Variants in RIMBP2 observed in about 807,000 individuals in gnomAD.
RIMBP2 encodes RIMS-binding protein 2.
A neutral mutation model predicts 118.6 loss-of-function variants in RIMBP2; 48 were observed. The ratio of observed to expected loss-of-function variants is 0.40; its 90% CI spans 0.32 to 0.51. The LOEUF (loss-of-function observed/expected upper bound fraction) is 0.51. Among genes scored for constraint, RIMBP2 ranks in the 20% least tolerant of loss-of-function variants. The probability of loss-of-function intolerance (pLI) is 0.41; values close to 1 mark genes in which losing one functional copy is unlikely to be tolerated. For missense variants in RIMBP2, 1,551 were observed against 1,768.3 expected (o/e 0.88, Z 2.20); for synonymous variants, 762 against 742.9 (o/e 1.03, Z -0.42).
At chr12:130,580,993 A>G (rs1306600610) in intron 2 of RIMBP2, among the ~76,000 whole-genome samples, 1 of 152,062 alleles carries the variant, frequency 6.6e-6, no homozygotes, top group East Asian at 1.9e-4. Flanking sequence ...ATATATTAAA[A>G]TATCTCCTAT....
intron 2 of RIMBP2, among the ~76,000 whole-genome samples, chr12:130,569,261 C>T (rs1309870761): frequency 1.3e-5 from 2 of 152,174 alleles, no homozygotes; most frequent in Admixed American, 6.5e-5. Context: ...CGGCAGGCAT[C>T]GGACTCATGA....
rs2076684845 is a variant in RIMBP2 at position 130,424,977 on chromosome 12, G to A, written c.2413-119C>T. On this transcript the variant is annotated intron_variant, in intron 15 of 22. Transcript: ENST00000690449. The surrounding 1 kb of genome is among the most constrained non-coding windows in gnomAD (Gnocchi z 9.8). Reference sequence around the variant, plus strand: ...TAGTCCTGGAGGCACCGAGGGGGGGGAAGCATGCGTCTACTCAGGCCGGGG... The same window carrying A: ...TAGTCCTGGAGGCACCGAGGGGGGGAAAGCATGCGTCTACTCAGGCCGGGG... 2 of 508,126 alleles carry A rather than the reference G, an allele frequency of 3.9e-6. No homozygotes were observed. The highest frequency in any genetic ancestry group is 2.0e-5 in the African/African-American group (1 of 50,650). 31.5% of individuals were successfully genotyped at this position (508,126 alleles called of 1,614,324 possible).
intron 4 of RIMBP2, among the ~76,000 whole-genome samples, chr12:130,481,869 T>G (rs2138180530): frequency 6.6e-6 from 1 of 152,176 alleles, no homozygotes; most frequent in South Asian, 2.1e-4. Flanking sequence ...GTCAGCCCAT[T>G]TGGGCCTCGC....
chr12:130,508,981 C>T (rs541591411), intron 3 of RIMBP2, among the ~76,000 whole-genome samples: 56 of 152,224 alleles, frequency 3.7e-4, no homozygotes, highest in African/African-American at 1.3e-3. Context: ...CCGTACCATC[C>T]GGCTTCTAAT....
At chr12:130,559,377 G>A (rs4759724) in intron 2 of RIMBP2, among the ~76,000 whole-genome samples, 25,894 of 151,780 alleles carry the variant, frequency 0.17, 2,272 homozygotes, top group Middle Eastern at 0.25. Flanking sequence ...CCGTGAGTTC[G>A]ACTTTTTTGG....
Position 130,441,881 on chromosome 12 carries a change from CCTT to C in RIMBP2, c.1468_1470del (p.Lys490del), listed in dbSNP as rs768523548. On this transcript the variant is annotated inframe_deletion, in exon 11 of 23. Coordinates refer to ENST00000690449, the MANE Select transcript of RIMBP2 (RefSeq NM_001393629.1). ...AACGTGGAGAACTCCACAAAGGCCT[CCTT>C]CTTCTCCCTTTGCTCCAGCGGGAGC... 3 of 1,613,838 alleles carry C rather than the reference CCTT, an allele frequency of 1.9e-6. No individual in the cohort carries two copies. The highest frequency in any genetic ancestry group is 1.3e-5 in the African/African-American group (1 of 75,068).
chr12:130,443,316 G>A (rs2078283661), intron 10 of RIMBP2, among the ~76,000 whole-genome samples: 1 of 151,592 alleles, frequency 6.6e-6, no homozygotes, highest in African/African-American at 2.4e-5. Flanking sequence ...GCTGTATTTT[G>A]TGAAAGTCTA....
At chr12:130,432,224 T>C in intron 14 of RIMBP2, 1 of 456,466 alleles carries the variant, frequency 2.2e-6, no homozygotes, top group Non-Finnish European at 4.4e-6. Context: ...TGGAAACAGG[T>C]CTTCTTCAGG....
At chr12:130,496,705 C>A (rs1354908069) in intron 4 of RIMBP2, among the ~76,000 whole-genome samples, 1 of 152,166 alleles carries the variant, frequency 6.6e-6, no homozygotes, top group Non-Finnish European at 1.5e-5. Context: ...TGGTTTCCTG[C>A]CTGTGATGGC....
intron 5 of RIMBP2, among the ~76,000 whole-genome samples, chr12:130,476,929 T>C (rs2081480477): frequency 6.6e-6 from 1 of 152,120 alleles, no homozygotes; most frequent in Non-Finnish European, 1.5e-5. Flanking sequence ...ACAAGTGCAG[T>C]GCAACGACCA....
chr12:130,615,130 G>A (rs1020468514), intron 2 of RIMBP2, among the ~76,000 whole-genome samples: 14 of 146,176 alleles, frequency 9.6e-5, no homozygotes, highest in Admixed American at 6.9e-5. Flanking sequence ...TGTGTATTAT[G>A]TATACATTAT....
intron 2 of RIMBP2, among the ~76,000 whole-genome samples, chr12:130,608,309 A>G (rs1198057202): frequency 6.6e-6 from 1 of 152,238 alleles, no homozygotes; most frequent in African/African-American, 2.4e-5. Flanking sequence ...AAGGCCAACG[A>G]CACCACCACA....
chr12:130,677,886 C>T (rs1301155456), intron 1 of RIMBP2, among the ~76,000 whole-genome samples: 1 of 152,246 alleles, frequency 6.6e-6, no homozygotes, highest in African/African-American at 2.4e-5. Context: ...TACCATTTCT[C>T]CATCGCACCC....
At chr12:130,485,828 GT>G (rs1434659336) in intron 4 of RIMBP2, among the ~76,000 whole-genome samples, 1 of 152,136 alleles carries the variant, frequency 6.6e-6, no homozygotes, top group African/African-American at 2.4e-5. Context: ...TGAGATGAGG[GT>G]TTATAGATCA....
At chr12:130,463,329 T>G (rs1189996590) in intron 6 of RIMBP2, among the ~76,000 whole-genome samples, 1 of 152,162 alleles carries the variant, frequency 6.6e-6, no homozygotes, top group Non-Finnish European at 1.5e-5. Flanking sequence ...TGCTCGGCGC[T>G]AGGGTCTGCA....
intron 2 of RIMBP2, among the ~76,000 whole-genome samples, chr12:130,540,295 G>A (rs573880060): frequency 4.6e-4 from 70 of 152,292 alleles, no homozygotes; most frequent in Non-Finnish European, 9.1e-4. Flanking sequence ...AGACTCATGG[G>A]TAGGCTGGTG....
chr12:130,545,318 T>C (rs1446190028), intron 2 of RIMBP2, among the ~76,000 whole-genome samples: 2 of 152,198 alleles, frequency 1.3e-5, no homozygotes. Flanking sequence ...ACATGAAATG[T>C]GGCTGTCTCA....
chr12:130,468,939 T>G (rs2080760993), intron 6 of RIMBP2: 1 of 152,096 alleles, frequency 6.6e-6, no homozygotes, highest in South Asian at 2.1e-4. Context: ...GACGCCCGGA[T>G]GAGGGGGAGG....
rs1401966973 is a variant in RIMBP2, at chr12:130,420,267, A to G, written c.3238+2186T>C. On this transcript the variant is annotated intron_variant, in intron 17 of 22. Transcript: ENST00000690449. The surrounding 1 kb of genome is among the most constrained non-coding windows in gnomAD (Gnocchi z 4.3). ...GTGCTGAGATGTGTATTTGTGTGTA[A>G]AGTATCTGGTTAGAGTTATTTTATG... Among the ~76,000 whole-genome samples the G allele has an allele frequency of 2.6e-5, 4 of 152,120 alleles. No individual in the cohort carries two copies. The highest frequency in any genetic ancestry group is 9.7e-5 in the African/African-American group (4 of 41,400).
Sources: gnomAD v4.1 joint callset for allele counts (sites outside exome capture counted in the v4.1 genomes callset) on GRCh38, gnomAD v4.1.1 for gene constraint, Gnocchi (gnomAD v3.1) non-coding constraint, MANE v1.5 for transcripts, NCBI Gene and HGNC (gene_info 2026-07-23, HGNC 2026-07-21) for gene names.